Variants in DCUN1D4 observed in about 807,000 individuals in gnomAD.
DCUN1D4 encodes DCN1-like protein 4.
In DCUN1D4, 22 loss-of-function variants were observed where a neutral mutation model predicts 47.9. The ratio of observed to expected loss-of-function variants is 0.46; its 90% confidence interval spans 0.33 to 0.66. The LOEUF (loss-of-function observed/expected upper bound fraction) is 0.66. Ranked by LOEUF, DCUN1D4 falls within the 30% of genes least tolerant of loss-of-function variation. DCUN1D4 has a pLI of 0.02. For synonymous variants in DCUN1D4, 121 were observed against 112.2 expected (o/e 1.08, Z -0.50); for missense variants, 301 against 340.8 (o/e 0.88, Z 0.92).
intron 8 of DCUN1D4, among the ~76,000 whole-genome samples, chr4:51,910,586 G>T (rs1196781868): frequency 6.6e-6 from 1 of 152,038 alleles, no homozygotes; most frequent in East Asian, 1.9e-4. Context: ...GCATGTTTAG[G>T]TTCAAGAAAA....
At chr4:51,903,623 C>T (rs753441070) in intron 8 of DCUN1D4, among the ~76,000 whole-genome samples, 1 of 152,138 alleles carries the variant, frequency 6.6e-6, no homozygotes. Flanking sequence ...ACAGTTACAA[C>T]TATGTTAGGT....
chr4:51,905,756 G>A (rs1395206184), intron 8 of DCUN1D4, among the ~76,000 whole-genome samples: 3 of 152,150 alleles, frequency 2.0e-5, no homozygotes, highest in African/African-American at 7.2e-5. Context: ...GGAGGAGGGT[G>A]TGCGCTGATC....
upstream of DCUN1D4, among the ~76,000 whole-genome samples, chr4:51,839,294 A>C (rs1230178519): frequency 6.6e-6 from 1 of 152,142 alleles, no homozygotes; most frequent in Non-Finnish European, 1.5e-5. Context: ...GAATATTAAA[A>C]ACATGGAGTC....
At chr4:51,836,700 A>G in the DCUN1D4 span, among the ~76,000 whole-genome samples, 1 of 152,134 alleles carries the variant, frequency 6.6e-6, no homozygotes, top group Non-Finnish European at 1.5e-5. Flanking sequence ...CTTCCATAAC[A>G]CATTATCATC....
upstream of DCUN1D4, chr4:51,843,094 G>A (rs923803962): frequency 2.1e-6 from 3 of 1,426,412 alleles, no homozygotes; most frequent in African/African-American, 3.0e-5. Flanking sequence ...CCTGAGCCGC[G>A]GTTTAGCCAA....
At chr4:51,888,334 C>G (rs767984113) in intron 6 of DCUN1D4, among the ~76,000 whole-genome samples, 2 of 152,178 alleles carry the variant, frequency 1.3e-5, no homozygotes, top group Non-Finnish European at 2.9e-5. Flanking sequence ...GACGTTGACT[C>G]TAACTGAAGA....
At chr4:51,899,732 A>G (rs529666700) in intron 8 of DCUN1D4, among the ~76,000 whole-genome samples, 4 of 152,224 alleles carry the variant, frequency 2.6e-5, no homozygotes, top group Non-Finnish European at 5.9e-5. Flanking sequence ...TTACTAGAAT[A>G]AGCTAATCAT....
intron 7 of DCUN1D4, among the ~76,000 whole-genome samples, chr4:51,892,914 T>G (rs1350939038): frequency 6.6e-6 from 1 of 152,260 alleles, no homozygotes; most frequent in Non-Finnish European, 1.5e-5. Flanking sequence ...TTGAAATGGT[T>G]TTATTTAAAT....
intron 1 of DCUN1D4, among the ~76,000 whole-genome samples, chr4:51,845,958 A>C (rs1251723589): frequency 2.0e-5 from 3 of 152,208 alleles, no homozygotes; most frequent in African/African-American, 4.8e-5. Flanking sequence ...AAATATGTAC[A>C]AAAATGTGCA....
intron 1 of DCUN1D4, among the ~76,000 whole-genome samples, chr4:51,863,073 T>C (rs899945114): frequency 6.6e-6 from 1 of 152,198 alleles, no homozygotes; most frequent in African/African-American, 2.4e-5. Flanking sequence ...TTTCTTGCCA[T>C]GAGCTTACTT....
chr4:51,844,988 G>A, intron 1 of DCUN1D4: 1 of 985,406 alleles, frequency 1.0e-6, no homozygotes, highest in Non-Finnish European at 1.2e-6. Context: ...TTGGGAGAGG[G>A]AGAGCCCACG....
At chr4:51,899,169 G>T in intron 7 of DCUN1D4, 101 bp from the exon 8 acceptor site, 1 of 1,403,738 alleles carries the variant, frequency 7.1e-7, no homozygotes. Flanking sequence ...CAACTTCAGG[G>T]ATTTGTTCTT....
At chr4:51,844,650 T>C (rs776785629) in intron 1 of DCUN1D4, among the ~76,000 whole-genome samples, 9 of 151,394 alleles carry the variant, frequency 5.9e-5, no homozygotes, top group Non-Finnish European at 1.3e-4. Flanking sequence ...GGCCGGGCCC[T>C]AGGCCGCGCC....
chr4:51,869,184 A>G (rs924651984), intron 3 of DCUN1D4, among the ~76,000 whole-genome samples: 6 of 151,818 alleles, frequency 4.0e-5, no homozygotes, highest in Non-Finnish European at 8.8e-5. Flanking sequence ...AAATAAAAAA[A>G]AATGAGTAGG....
intron 6 of DCUN1D4, among the ~76,000 whole-genome samples, chr4:51,890,838 A>G (rs769866205): frequency 1.6e-4 from 25 of 152,214 alleles, no homozygotes; most frequent in Non-Finnish European, 3.4e-4. Flanking sequence ...AAAACTCACC[A>G]TCAGTTCCCT....
chr4:51,834,530 T>C, the DCUN1D4 span, among the ~76,000 whole-genome samples: 1 of 152,170 alleles, frequency 6.6e-6, no homozygotes, highest in Non-Finnish European at 1.5e-5. Flanking sequence ...CACTAGTCTA[T>C]TCTCCTTCTG....
At chr4:51,883,105 T>TA in intron 5 of DCUN1D4, among the ~76,000 whole-genome samples, 1 of 152,298 alleles carries the variant, frequency 6.6e-6, no homozygotes, top group South Asian at 2.1e-4. Flanking sequence ...TAAAATGTAT[T>TA]AATATTAGCT....
the DCUN1D4 span, among the ~76,000 whole-genome samples, chr4:51,836,988 T>C: frequency 6.6e-6 from 1 of 152,210 alleles, no homozygotes; most frequent in African/African-American, 2.4e-5. Context: ...ATTATCCAAA[T>C]AAAATGATTA....
At chr4:51,912,966 C>T (rs1578070148) in intron 9 of DCUN1D4, among the ~76,000 whole-genome samples, 1 of 152,126 alleles carries the variant, frequency 6.6e-6, no homozygotes, top group African/African-American at 2.4e-5. Flanking sequence ...CTTATAATAT[C>T]TTTATGAAGT....
Sources: allele counts gnomAD v4.1 joint callset (sites outside exome capture counted in the v4.1 genomes callset), GRCh38; gene constraint gnomAD v4.1.1; transcripts MANE v1.5; gene names NCBI Gene and HGNC (gene_info 2026-07-23, HGNC 2026-07-21).